Variants in DSCAM observed in about 807,000 individuals in gnomAD.
DSCAM encodes the protein cell adhesion molecule DSCAM.
Under a neutral mutation model 217.7 loss-of-function variants are expected in DSCAM, and 47 were observed. That is an observed-to-expected ratio of 0.22 (90% CI 0.17 to 0.28). The LOEUF (loss-of-function observed/expected upper bound fraction) is 0.28. DSCAM is among the 10% of genes least tolerant of loss of function. DSCAM has a pLI of 1.00. For missense variants in DSCAM, 2,080 were observed against 2,618.3 expected (o/e 0.79, Z 4.49); for synonymous variants, 1,056 against 1,015.3 (o/e 1.04, Z -0.76).
intron 28 of DSCAM, among the ~76,000 whole-genome samples, chr21:40,057,871 G>GTT (rs1568917869): frequency 9.8e-6 from 1 of 102,142 alleles, no homozygotes; most frequent in African/African-American, 4.2e-5. Context: ...GTTCACTGCA[G>GTT]TCTTTTTTTT....
At chr21:40,532,886 G>C (rs1044500247) in intron 3 of DSCAM, among the ~76,000 whole-genome samples, 1 of 151,232 alleles carries the variant, frequency 6.6e-6, no homozygotes, top group African/African-American at 2.4e-5. Context: ...GTGTGTGTGT[G>C]TGTGTGTGTG....
In DSCAM at chr21:40,013,403, G is replaced by A. The variant is rs1484924435; in HGVS notation, c.5687-17C>T. On this transcript the variant is annotated splice_polypyrimidine_tract_variant and intron_variant, in intron 32 of 32. Coordinates refer to ENST00000400454, the MANE Select transcript of DSCAM (RefSeq NM_001389.5). Reference sequence around the variant, plus strand: ...TGAGGTCACCTAGAAGGAAAGACAGGGTAGTTAGTTGGTGTCTTCATTTGG... The same window carrying A: ...TGAGGTCACCTAGAAGGAAAGACAGAGTAGTTAGTTGGTGTCTTCATTTGG... The A allele has an allele frequency of 6.6e-7, 1 of 1,503,840 alleles. No homozygotes were observed. Among genetic ancestry groups the A allele is most frequent in the Admixed American group, 2.1e-5 (1 of 46,526 alleles). The allele number at this position is 1,503,840 out of a possible 1,614,324, so 93.2% of individuals were successfully genotyped here.
chr21:40,294,487 CCCTTGGGCAGTACAGAGTAAGAG>C (rs2073931363), intron 10 of DSCAM, among the ~76,000 whole-genome samples: 1 of 152,168 alleles, frequency 6.6e-6, no homozygotes, highest in Non-Finnish European at 1.5e-5. Flanking sequence ...GGCCTAAGTG[CCCTTGGGCAGTACAGAGTAAGAG>C]CCTTGTATAT....
intron 3 of DSCAM, among the ~76,000 whole-genome samples, chr21:40,481,189 T>C (rs2075978922): frequency 6.6e-6 from 1 of 152,106 alleles, no homozygotes. Context: ...TCACTTCCTG[T>C]AGAAAGACCA....
At chr21:40,718,221 G>T (rs775989392) in intron 1 of DSCAM, among the ~76,000 whole-genome samples, 4 of 152,226 alleles carry the variant, frequency 2.6e-5, no homozygotes, top group Non-Finnish European at 4.4e-5. Flanking sequence ...AGAGGGCACT[G>T]CCCCTGGGCC....
At chr21:40,822,215 A>T (rs2091934063) in intron 1 of DSCAM, among the ~76,000 whole-genome samples, 1 of 141,458 alleles carries the variant, frequency 7.1e-6, no homozygotes, top group Non-Finnish European at 1.5e-5. Context: ...GCTACTCGGG[A>T]GGCTGAGGTG....
At chr21:40,638,990 G>GGC (rs1172264550) in intron 3 of DSCAM, among the ~76,000 whole-genome samples, 1 of 151,936 alleles carries the variant, frequency 6.6e-6, no homozygotes, top group Non-Finnish European at 1.5e-5. Flanking sequence ...TTTCCAGGCA[G>GGC]GCTTCAGTTC....
chr21:40,290,031 T>G (rs982239415), intron 10 of DSCAM, among the ~76,000 whole-genome samples: 2 of 151,992 alleles, frequency 1.3e-5, no homozygotes, highest in African/African-American at 4.8e-5. Context: ...GAACAGACCT[T>G]GCTGGGGAAA....
At chr21:40,274,122 C>A (rs2073655953) in intron 11 of DSCAM, among the ~76,000 whole-genome samples, 1 of 152,182 alleles carries the variant, frequency 6.6e-6, no homozygotes, top group African/African-American at 2.4e-5. Context: ...CAATTATCCC[C>A]AGAGAGCAAA....
intron 11 of DSCAM, among the ~76,000 whole-genome samples, chr21:40,267,472 G>A (rs2073554597): frequency 6.6e-6 from 1 of 152,118 alleles, no homozygotes; most frequent in Admixed American, 6.5e-5. Context: ...TACAATGTTA[G>A]GATGTTGTCC....
At chr21:40,770,164 T>C (rs2091431990) in intron 1 of DSCAM, among the ~76,000 whole-genome samples, 2 of 152,014 alleles carry the variant, frequency 1.3e-5, no homozygotes, top group Admixed American at 1.3e-4. Context: ...CAAAAGGGAG[T>C]TGCTGTATAA....
At chr21:40,825,515 A>G (rs564361494) in intron 1 of DSCAM, among the ~76,000 whole-genome samples, 17 of 151,972 alleles carry the variant, frequency 1.1e-4, no homozygotes, top group Non-Finnish European at 2.1e-4. Flanking sequence ...ACGGGGTTTC[A>G]CCATGCTGGC....
intron 3 of DSCAM, among the ~76,000 whole-genome samples, chr21:40,541,975 A>G (rs1451055929): frequency 6.6e-6 from 1 of 152,242 alleles, no homozygotes; most frequent in Non-Finnish European, 1.5e-5. Context: ...TCACTTGCAT[A>G]GATCAGTGGC....
At chr21:40,089,117 G>A (rs1398677497) in intron 21 of DSCAM, among the ~76,000 whole-genome samples, 1 of 152,096 alleles carries the variant, frequency 6.6e-6, no homozygotes, top group Admixed American at 6.6e-5. Context: ...AAAAATACAA[G>A]CTAGAGCTAC....
At chr21:40,106,939 C>A (rs1259639622) in intron 20 of DSCAM, among the ~76,000 whole-genome samples, 1 of 150,096 alleles carries the variant, frequency 6.7e-6, no homozygotes, top group Non-Finnish European at 1.5e-5. Flanking sequence ...ATTTGTTGAT[C>A]CATTGAATGG....
intron 17 of DSCAM, among the ~76,000 whole-genome samples, chr21:40,143,979 T>C (rs568273139): frequency 4.6e-4 from 70 of 152,300 alleles, no homozygotes; most frequent in African/African-American, 1.7e-3. Context: ...TTCTGGGTTA[T>C]TCTCAGTGAC....
chr21:40,386,201 TTGAAAACAAAAAGTA>T (rs1303748455), intron 3 of DSCAM, among the ~76,000 whole-genome samples: 1 of 152,250 alleles, frequency 6.6e-6, no homozygotes, highest in Non-Finnish European at 1.5e-5. Context: ...AATGAAGCAC[TTGAAAACAAAAAGTA>T]TAAAAATGTG....
chr21:40,825,779 G>A (rs920821885), intron 1 of DSCAM, among the ~76,000 whole-genome samples: 6 of 151,780 alleles, frequency 4.0e-5, no homozygotes, highest in African/African-American at 1.5e-4. Flanking sequence ...AGAATTCTAG[G>A]GCATAATGCT....
intron 3 of DSCAM, among the ~76,000 whole-genome samples, chr21:40,587,350 C>A (rs1321066751): frequency 1.3e-5 from 2 of 152,154 alleles, no homozygotes; most frequent in East Asian, 1.9e-4. Flanking sequence ...CAATGCTAAT[C>A]CACACACTGA....
Sources: gnomAD v4.1 joint callset for allele counts (sites outside exome capture counted in the v4.1 genomes callset) on GRCh38, gnomAD v4.1.1 for gene constraint, MANE v1.5 for transcripts, NCBI Gene and HGNC (gene_info 2026-07-23, HGNC 2026-07-21) for gene names.